CDKL5: variants seen among roughly 807,000 people sequenced by gnomAD.
The protein encoded by CDKL5 is cyclin-dependent kinase-like 5.
Under a neutral mutation model 61.7 loss-of-function variants are expected in CDKL5, and 8 were observed. That is an observed-to-expected ratio of 0.13 (90% CI 0.08 to 0.23). The LOEUF (loss-of-function observed/expected upper bound fraction) is 0.23, where lower values mean the gene tolerates loss of function less well. CDKL5 is among the 10% of genes least tolerant of loss of function. The pLI is 1.00. For missense variants in CDKL5, 440 were observed against 734.5 expected (o/e 0.60, Z 4.63); for synonymous variants, 275 against 272.3 (o/e 1.01, Z -0.10).
chrX:18,430,383 C>A (rs956539509), intron 1 of CDKL5, among the ~76,000 whole-genome samples: 1 of 111,960 alleles, frequency 8.9e-6, no homozygotes. Context: ...ATGGGCACCT[C>A]TTGTGTAATT....
intron 3 of CDKL5, chrX:18,535,358 A>G (rs900819890): frequency 8.8e-6 from 1 of 113,118 alleles, no homozygotes; most frequent in Admixed American, 9.4e-5. Context: ...CACATGTTCT[A>G]CGTGATGTGA....
intron 1 of CDKL5, among the ~76,000 whole-genome samples, chrX:18,448,854 A>T (rs1375237190): frequency 9.0e-6 from 1 of 111,120 alleles, no homozygotes; most frequent in African/African-American, 3.3e-5. Flanking sequence ...TTATTTTTTT[A>T]AATTTATTTA....
intron 1 of CDKL5, among the ~76,000 whole-genome samples, chrX:18,487,822 A>G (rs1161348806): frequency 9.0e-6 from 1 of 111,687 alleles, no homozygotes; most frequent in Non-Finnish European, 1.9e-5. Context: ...AGGCTGAGGC[A>G]GGAGAATCTC....
In CDKL5 at chrX:18,435,759, G is replaced by C. The variant is rs750192983; in HGVS notation, c.-163+10064G>C. On this transcript the variant is annotated intron_variant, in intron 1 of 17. Transcript: ENST00000623535. ...TTTTTGTATTTTCAGTAGAGACGGGGTTTCACTATGTTGGCCAGGCTGATT... is the reference window on the plus strand; with the variant it reads ...TTTTTGTATTTTCAGTAGAGACGGGCTTTCACTATGTTGGCCAGGCTGATT... Among the ~76,000 whole-genome samples, 4 of 111,057 alleles carry C rather than the reference G, an allele frequency of 3.6e-5. No individual in the cohort carries two copies. In the East Asian group the frequency reaches 1.1e-3, roughly 31 times the overall value.
chrX:18,476,774 C>G (rs1921328564), intron 1 of CDKL5, among the ~76,000 whole-genome samples: 1 of 106,593 alleles, frequency 9.4e-6, no homozygotes, highest in Non-Finnish European at 2.0e-5. Context: ...ATAGTTGAAT[C>G]TTTTTTTTTT....
chrX:18,552,005 C>T (rs1356605517), intron 3 of CDKL5, among the ~76,000 whole-genome samples: 1 of 107,622 alleles, frequency 9.3e-6, no homozygotes, highest in East Asian at 3.1e-4. Flanking sequence ...TTTGGGAGGC[C>T]GAGGCGGGTG....
intron 3 of CDKL5, among the ~76,000 whole-genome samples, chrX:18,547,791 A>G (rs974230876): frequency 3.6e-5 from 4 of 112,173 alleles, no homozygotes; most frequent in Admixed American, 2.8e-4. Flanking sequence ...AAAATGCTAG[A>G]TACTTGGATG....
At chrX:18,576,626 A>T (rs984945786) in intron 5 of CDKL5, among the ~76,000 whole-genome samples, 31 of 103,277 alleles carry the variant, frequency 3.0e-4, no homozygotes, top group African/African-American at 8.6e-4. Flanking sequence ...TTTTTGAAAT[A>T]AAAAAAAAAA....
intron 7 of CDKL5, 134 bp downstream of exon 7, chrX:18,582,084 A>C: frequency 3.8e-6 from 2 of 520,435 alleles, no homozygotes; most frequent in South Asian, 5.8e-5. Context: ...CTTTTGAGTC[A>C]CATGTTGAAA....
chrX:18,578,716 C>G (rs1925378270), intron 5 of CDKL5, among the ~76,000 whole-genome samples: 1 of 111,717 alleles, frequency 9.0e-6, no homozygotes, highest in African/African-American at 3.3e-5. Context: ...AGTGCTTTTC[C>G]TCAGGACAAC....
At chrX:18,426,838 T>A (rs886365414) in intron 1 of CDKL5, 1 of 112,652 alleles carries the variant, frequency 8.9e-6, no homozygotes, top group Non-Finnish European at 1.9e-5. Context: ...AGGTAACATC[T>A]GCTGGAACAT....
intron 15 of CDKL5, among the ~76,000 whole-genome samples, chrX:18,617,482 C>T (rs1260707396): frequency 8.9e-6 from 1 of 112,361 alleles, no homozygotes; most frequent in Non-Finnish European, 1.9e-5. Context: ...CACACCCTTA[C>T]CCATATGGCT....
intron 15 of CDKL5, among the ~76,000 whole-genome samples, chrX:18,616,621 G>A (rs1021934202): frequency 9.7e-6 from 1 of 103,553 alleles, no homozygotes; most frequent in Non-Finnish European, 2.0e-5. Context: ...GCGAAACTCC[G>A]TCTAAAAAAA....
At chrX:18,510,755 G>A in intron 2 of CDKL5, 65 bp from the exon 3 acceptor site, 10 of 884,962 alleles carry the variant, frequency 1.1e-5, no homozygotes, top group Non-Finnish European at 1.7e-5. Flanking sequence ...GAGAAGCAAT[G>A]TCAGTATAGC....
At chrX:18,554,068 T>A (rs182722355) in intron 3 of CDKL5, among the ~76,000 whole-genome samples, 1,433 of 108,914 alleles carry the variant, frequency 0.013, 6 homozygotes, top group Middle Eastern at 0.053. Flanking sequence ...ATATATATTT[T>A]TTTTTTTCTA....
intron 1 of CDKL5, among the ~76,000 whole-genome samples, chrX:18,497,888 G>A: frequency 9.3e-6 from 1 of 107,984 alleles, no homozygotes; most frequent in East Asian, 2.9e-4. Context: ...CACAATCACG[G>A]CTCACCGCAG....
chrX:18,436,782 C>T (rs1931617456), intron 1 of CDKL5, among the ~76,000 whole-genome samples: 3 of 106,755 alleles, frequency 2.8e-5, no homozygotes, highest in African/African-American at 1.0e-4. Flanking sequence ...CCTGTAGTCC[C>T]AGCTACTCCC....
chrX:18,629,445 A>G lies in CDKL5; in HGVS notation c.*688A>G, dbSNP rs1323182319. ...TTATATATTGCATCAGGAGTATTTT[A>G]TTCTATATATAATATATATATATGG... is the stretch of plus-strand genomic sequence containing the variant. On this transcript the variant is annotated 3_prime_UTR_variant, in exon 18 of 18. Coordinates refer to ENST00000623535, the MANE Select transcript of CDKL5 (RefSeq NM_001323289.2). 2 of 553,937 alleles carry G rather than the reference A, an allele frequency of 3.6e-6. No homozygotes were observed. Among genetic ancestry groups the G allele is most frequent in the African/African-American group, 2.6e-5 (1 of 39,033 alleles). The allele number at this position is 553,937 out of a possible 1,213,427, so 45.7% of individuals were successfully genotyped here.
intron 1 of CDKL5, among the ~76,000 whole-genome samples, chrX:18,474,989 C>T (rs1430123315): frequency 2.8e-5 from 3 of 106,019 alleles, no homozygotes; most frequent in Non-Finnish European, 5.8e-5. Context: ...GACAGAGGCT[C>T]ACTCTGTTGC....
Sources: gnomAD v4.1 joint callset for allele counts (sites outside exome capture counted in the v4.1 genomes callset) on GRCh38, gnomAD v4.1.1 for gene constraint, MANE v1.5 for transcripts, NCBI Gene and HGNC (gene_info 2026-07-23, HGNC 2026-07-21) for gene names.